SORCS3: variants seen among roughly 807,000 people sequenced by gnomAD.
SORCS3 encodes sortilin related VPS10 domain containing receptor 3.
Under a neutral mutation model 146.3 loss-of-function variants are expected in SORCS3, and 57 were observed. The ratio of observed to expected loss-of-function variants is 0.39; its 90% CI spans 0.31 to 0.49. The LOEUF is 0.49. Among genes scored for constraint, SORCS3 ranks in the 20% least tolerant of loss-of-function variants. The probability of loss-of-function intolerance (pLI) is 0.92; values close to 1 mark genes in which losing one functional copy is unlikely to be tolerated. For missense variants in SORCS3, 1,341 were observed against 1,575.5 expected (o/e 0.85, Z 2.52); for synonymous variants, 653 against 618.5 (o/e 1.06, Z -0.83).
At chr10:105,089,868 C>G (rs1295676541) in intron 6 of SORCS3, 29 bp downstream of exon 6, 29 of 1,590,820 alleles carry the variant, frequency 1.8e-5, no homozygotes, top group Non-Finnish European at 2.5e-5. Context: ...AGGCTAGGCC[C>G]AGGGAGATCT....
intron 22 of SORCS3, among the ~76,000 whole-genome samples, chr10:105,249,291 G>C (rs932208066): frequency 2.4e-4 from 36 of 152,216 alleles, no homozygotes; most frequent in Non-Finnish European, 1.5e-4. Context: ...ATGACCAGGA[G>C]GGTTGAAAAT....
intron 1 of SORCS3, among the ~76,000 whole-genome samples, chr10:104,654,236 G>A (rs4917424): frequency 0.64 from 97,423 of 152,046 alleles, 31,485 homozygotes; most frequent in East Asian, 0.75. Context: ...CCAAATCTTG[G>A]CTATTGTGAA....
At chr10:105,034,074 T>C (rs2055288776) in intron 4 of SORCS3, among the ~76,000 whole-genome samples, 1 of 152,170 alleles carries the variant, frequency 6.6e-6, no homozygotes, top group Non-Finnish European at 1.5e-5. Flanking sequence ...AAGGAAGATA[T>C]ACATTGATCA....
chr10:105,084,276 A>C (rs1202134283), intron 5 of SORCS3, among the ~76,000 whole-genome samples: 1 of 152,216 alleles, frequency 6.6e-6, no homozygotes, highest in Non-Finnish European at 1.5e-5. Flanking sequence ...ATTAATGAAG[A>C]TAATGCTTAT....
At chr10:104,934,212 AATAAC>A (rs2019237365) in intron 3 of SORCS3, among the ~76,000 whole-genome samples, 1 of 152,206 alleles carries the variant, frequency 6.6e-6, no homozygotes, top group Non-Finnish European at 1.5e-5. Flanking sequence ...GATTGCATCA[AATAAC>A]ATAAAGGAAC....
At chr10:104,993,366 C>T (rs183580144) in intron 4 of SORCS3, among the ~76,000 whole-genome samples, 7 of 152,242 alleles carry the variant, frequency 4.6e-5, no homozygotes, top group East Asian at 3.9e-4. Context: ...CTCTCAGAGC[C>T]GGAGGCAGGA....
intron 20 of SORCS3, among the ~76,000 whole-genome samples, chr10:105,226,314 A>G (rs1482507898): frequency 6.6e-6 from 1 of 151,946 alleles, no homozygotes; most frequent in Non-Finnish European, 1.5e-5. Flanking sequence ...TAACATGATC[A>G]TATGTTTTTT....
chr10:104,651,056 T>C (rs1170721899), intron 1 of SORCS3, among the ~76,000 whole-genome samples: 1 of 152,180 alleles, frequency 6.6e-6, no homozygotes, highest in African/African-American at 2.4e-5. Context: ...TGATTACACA[T>C]AGTGGGGGAA....
At chr10:105,211,109 T>C (rs2119640333) in intron 16 of SORCS3, 28 bp from the exon 17 acceptor site, 1 of 1,507,846 alleles carries the variant, frequency 6.6e-7, no homozygotes, top group Non-Finnish European at 9.2e-7. Flanking sequence ...ACATATATAC[T>C]ACTATGCAAT....
chr10:104,680,464 T>C (rs1178640156), intron 1 of SORCS3, among the ~76,000 whole-genome samples: 5 of 152,186 alleles, frequency 3.3e-5, no homozygotes, highest in Admixed American at 1.3e-4. Context: ...TTCTCCTCTT[T>C]CCCTGGAGAG....
intron 13 of SORCS3, among the ~76,000 whole-genome samples, chr10:105,174,996 G>A (rs1172723277): frequency 2.6e-5 from 4 of 152,058 alleles, no homozygotes; most frequent in Non-Finnish European, 5.9e-5. Flanking sequence ...CTCCTTCCCT[G>A]CAATGCTCAT....
intron 20 of SORCS3, among the ~76,000 whole-genome samples, chr10:105,244,925 T>C (rs544610442): frequency 2.6e-5 from 4 of 151,892 alleles, no homozygotes; most frequent in East Asian, 1.9e-4. Flanking sequence ...AAAAATTAGC[T>C]GAGTGTGGTG....
intron 1 of SORCS3, among the ~76,000 whole-genome samples, chr10:104,674,750 C>T (rs1411472371): frequency 1.3e-5 from 2 of 152,046 alleles, no homozygotes. Flanking sequence ...TATGTATAAT[C>T]CTTGTATTCT....
At chr10:105,198,333 C>A (rs1461471098) in intron 14 of SORCS3, among the ~76,000 whole-genome samples, 1 of 151,984 alleles carries the variant, frequency 6.6e-6, no homozygotes, top group Non-Finnish European at 1.5e-5. Flanking sequence ...TATCTGAATG[C>A]GAGAGTTTTG....
intron 4 of SORCS3, among the ~76,000 whole-genome samples, chr10:104,988,143 G>A (rs1471451224): frequency 6.6e-6 from 1 of 152,132 alleles, no homozygotes; most frequent in African/African-American, 2.4e-5. Flanking sequence ...CTTGTTCAAG[G>A]TCACACAGCC....
chr10:105,072,720 G>A (rs1428264764), intron 5 of SORCS3, among the ~76,000 whole-genome samples: 2 of 126,404 alleles, frequency 1.6e-5, no homozygotes, highest in East Asian at 2.5e-4. Context: ...AGCCTTGTGT[G>A]TAAATAGGAT....
chr10:104,689,092 C>T (rs934798095), intron 1 of SORCS3, among the ~76,000 whole-genome samples: 2 of 152,354 alleles, frequency 1.3e-5, no homozygotes, highest in African/African-American at 2.4e-5. Context: ...TGAGGCCCTG[C>T]ATGACTTGCC....
intron 1 of SORCS3, among the ~76,000 whole-genome samples, chr10:104,672,586 T>C (rs1218309362): frequency 6.6e-6 from 1 of 152,188 alleles, no homozygotes; most frequent in African/African-American, 2.4e-5. Flanking sequence ...TAAGTGTTTA[T>C]AGCTCTAAAT....
chr10:104,947,319 TCTC>T (rs2019382018), intron 3 of SORCS3, among the ~76,000 whole-genome samples: 1 of 152,054 alleles, frequency 6.6e-6, no homozygotes, highest in Non-Finnish European at 1.5e-5. Flanking sequence ...AGGGGAAATT[TCTC>T]CTCTCTCTGG....
Sources: allele counts gnomAD v4.1 joint callset (sites outside exome capture counted in the v4.1 genomes callset), GRCh38; gene constraint gnomAD v4.1.1; transcripts MANE v1.5; gene names NCBI Gene and HGNC (gene_info 2026-07-23, HGNC 2026-07-21).